The following TMEM108 variants were observed in gnomAD, a reference collection of about 807,000 sequenced individuals.
The protein encoded by TMEM108 is transmembrane protein 108.
In TMEM108, 12 loss-of-function variants were observed where a neutral mutation model predicts 35.1. The ratio of observed to expected loss-of-function variants is 0.34; its 90% CI spans 0.22 to 0.55. The LOEUF is 0.55. TMEM108 is among the 20% of genes least tolerant of loss of function. The probability of loss-of-function intolerance (pLI) is 0.89; values close to 1 mark genes in which losing one functional copy is unlikely to be tolerated. For missense variants in TMEM108, 680 were observed against 753.3 expected (o/e 0.90, Z 1.14); for synonymous variants, 287 against 308.6 (o/e 0.93, Z 0.73).
chr3:133,309,823 C>T (rs1215655072), intron 3 of TMEM108, among the ~76,000 whole-genome samples: 3 of 149,408 alleles, frequency 2.0e-5, no homozygotes, highest in Non-Finnish European at 4.5e-5. Flanking sequence ...GCCTCAGCCT[C>T]CCAAGTAGCT....
intron 1 of TMEM108, among the ~76,000 whole-genome samples, chr3:133,042,477 T>G (rs999344420): frequency 6.6e-6 from 1 of 152,246 alleles, no homozygotes; most frequent in African/African-American, 2.4e-5. Context: ...CTGAGATTGA[T>G]GAGATGGTGG....
chr3:133,189,456 A>AT (rs1489674874), intron 2 of TMEM108, among the ~76,000 whole-genome samples: 2 of 152,162 alleles, frequency 1.3e-5, no homozygotes, highest in African/African-American at 2.4e-5. Context: ...CATCCATTAC[A>AT]TTGGGAAAAG....
chr3:133,349,488 G>A (rs2071925997), intron 3 of TMEM108, among the ~76,000 whole-genome samples: 1 of 152,012 alleles, frequency 6.6e-6, no homozygotes. Flanking sequence ...CACAGCAAAG[G>A]AAATAGCAGA....
chr3:133,123,831 T>G (rs1944382914), intron 2 of TMEM108, among the ~76,000 whole-genome samples: 1 of 152,234 alleles, frequency 6.6e-6, no homozygotes, highest in East Asian at 1.9e-4. Flanking sequence ...AATTGGCAAC[T>G]CTCTGCTTCT....
At chr3:133,370,089 CAGTT>C (rs147399723) in intron 3 of TMEM108, among the ~76,000 whole-genome samples, 1,896 of 151,040 alleles carry the variant, frequency 0.013, 45 homozygotes, top group African/African-American at 0.043. Context: ...GCATTTGTCA[CAGTT>C]AGTAATATGG....
At chr3:133,069,077 T>A (rs1385912704) in intron 2 of TMEM108, among the ~76,000 whole-genome samples, 1 of 152,186 alleles carries the variant, frequency 6.6e-6, no homozygotes, top group Admixed American at 6.5e-5. Context: ...GTTGCCAGGT[T>A]GTGAGAGCCC....
chr3:133,306,183 A>G (rs1324635585), intron 3 of TMEM108, among the ~76,000 whole-genome samples: 2 of 152,210 alleles, frequency 1.3e-5, no homozygotes, highest in South Asian at 4.1e-4. Context: ...ACTCTGCCCA[A>G]CACAGAGTCA....
chr3:133,220,444 T>C (rs1446577854), intron 2 of TMEM108, among the ~76,000 whole-genome samples: 1 of 152,188 alleles, frequency 6.6e-6, no homozygotes, highest in Non-Finnish European at 1.5e-5. Flanking sequence ...GCCCAGCTTA[T>C]GTTTCTTGAT....
At chr3:133,246,489 A>AT (rs1488270602) in intron 3 of TMEM108, 2 of 149,252 alleles carry the variant, frequency 1.3e-5, no homozygotes, top group East Asian at 3.9e-4. Context: ...AAAAAAAAAA[A>AT]GCAAAGTTAG....
At chr3:133,273,870 C>T (rs1014466427) in intron 3 of TMEM108, among the ~76,000 whole-genome samples, 1 of 152,166 alleles carries the variant, frequency 6.6e-6, no homozygotes, top group African/African-American at 2.4e-5. Context: ...GACTTAGGGT[C>T]AGGCGTAACA....
chr3:133,200,014 G>A (rs1945638294), intron 2 of TMEM108, among the ~76,000 whole-genome samples: 1 of 152,156 alleles, frequency 6.6e-6, no homozygotes, highest in Non-Finnish European at 1.5e-5. Context: ...TTCGATCTCA[G>A]ACTGCTGTGC....
rs1314965553 is a variant in TMEM108 at position 133,046,013 on chromosome 3, A to G, written c.-54A>G. On this transcript the variant is annotated 5_prime_UTR_variant, in exon 2 of 6. Coordinates refer to ENST00000321871, the MANE Select transcript of TMEM108 (RefSeq NM_023943.4). Reference sequence around the variant, plus strand: ...GCGTTTGAAGGCTTCCACACCCTCTACTCCAGGGTAAGGCAAAGGCATTCT... The same window carrying G: ...GCGTTTGAAGGCTTCCACACCCTCTGCTCCAGGGTAAGGCAAAGGCATTCT... 2 of 152,202 alleles carry G rather than the reference A, an allele frequency of 1.3e-5. No individual in the cohort carries two copies. Among genetic ancestry groups the G allele is most frequent in the Non-Finnish European group, 2.9e-5 (2 of 67,958 alleles). 9.4% of individuals were successfully genotyped at this position (152,202 alleles called of 1,614,324 possible). A position where few individuals can be genotyped will look rare whatever the true frequency, so the allele number is the denominator to read the frequency against.
intron 4 of TMEM108, among the ~76,000 whole-genome samples, chr3:133,389,873 T>G (rs1272627562): frequency 6.6e-6 from 1 of 152,162 alleles, no homozygotes; most frequent in Non-Finnish European, 1.5e-5. Context: ...CTTGGAACCA[T>G]GCCTGGGACG....
intron 2 of TMEM108, among the ~76,000 whole-genome samples, chr3:133,155,227 A>G (rs1944862841): frequency 6.6e-6 from 1 of 152,128 alleles, no homozygotes; most frequent in Non-Finnish European, 1.5e-5. Flanking sequence ...CATGGTGTGT[A>G]TATATACCAC....
intron 3 of TMEM108, among the ~76,000 whole-genome samples, chr3:133,283,763 T>G (rs78989853): frequency 0.013 from 1,905 of 152,340 alleles, 15 homozygotes; most frequent in South Asian, 0.024. Context: ...ATGCGAACTT[T>G]GAAATTTCAA....
intron 3 of TMEM108, among the ~76,000 whole-genome samples, chr3:133,259,940 TGG>T (rs1946601366): frequency 6.6e-6 from 1 of 152,034 alleles, no homozygotes; most frequent in Non-Finnish European, 1.5e-5. Flanking sequence ...TGAAGGCGTG[TGG>T]TAACAGAGCC....
intron 2 of TMEM108, among the ~76,000 whole-genome samples, chr3:133,109,634 T>G (rs1944201972): frequency 6.6e-6 from 1 of 152,170 alleles, no homozygotes; most frequent in Non-Finnish European, 1.5e-5. Flanking sequence ...TTTCCAAGGT[T>G]TTTGTGTAAG....
At chr3:133,249,069 G>A (rs1247200448) in intron 3 of TMEM108, among the ~76,000 whole-genome samples, 1 of 152,162 alleles carries the variant, frequency 6.6e-6, no homozygotes. Context: ...GGGCCTGGGA[G>A]GGTAGAGGTA....
chr3:133,369,238 C>T (rs2072587811), intron 3 of TMEM108, among the ~76,000 whole-genome samples: 1 of 152,150 alleles, frequency 6.6e-6, no homozygotes, highest in Admixed American at 6.5e-5. Context: ...ACCATTTCTA[C>T]CTGGGGAGTT....
Sources: allele counts gnomAD v4.1 joint callset (sites outside exome capture counted in the v4.1 genomes callset), GRCh38; gene constraint gnomAD v4.1.1; transcripts MANE v1.5; gene names NCBI Gene and HGNC (gene_info 2026-07-23, HGNC 2026-07-21).